MAP2K5: variants seen among roughly 807,000 people sequenced by gnomAD.
MAP2K5 encodes the protein dual specificity mitogen-activated protein kinase kinase 5.
In MAP2K5, 49 loss-of-function variants were observed where a neutral mutation model predicts 83.1. That is an observed-to-expected ratio of 0.59 (90% CI 0.47 to 0.75). MAP2K5 has a LOEUF of 0.75. Ranked by LOEUF, MAP2K5 falls within the 30% of genes least tolerant of loss-of-function variation. The pLI is 0.00. For missense variants in MAP2K5, 457 were observed against 557.5 expected, an observed-to-expected ratio of 0.82 and a Z score of 1.82; for synonymous variants, 202 against 191.8, an observed-to-expected ratio of 1.05 and a Z score of -0.44.
rs1027994747 is a variant in MAP2K5 at position 67,702,550 on chromosome 15, C to T, written c.973-787C>T. The stretch of plus-strand genomic sequence containing the variant: ...TTTGTTCACGTGTTCATTCCAAAGC[C>T]ATCTATGAAGTACTGTACTGAATGC... On this transcript the variant is annotated intron_variant, in intron 15 of 21. Transcript: ENST00000178640. The surrounding 1 kb of genome is among the most constrained non-coding windows in gnomAD (Gnocchi z 4.6). 1.3e-5 allele frequency among the ~76,000 whole-genome samples: 2 copies of T among 152,172 alleles called. No homozygotes were observed. Among genetic ancestry groups the T allele is most frequent in the African/African-American group, 4.8e-5 (2 of 41,436 alleles).
Position 67,703,357 on chromosome 15 carries a change from G to A in MAP2K5, c.993G>A (p.Glu331=), listed in dbSNP as rs771498091. The change falls in exon 16 of 22, where the codon GAG becomes GAA. Residue 331 remains glutamate (E), a synonymous_variant. Transcript: ENST00000178640. ...TGCAGCCTGAAAGGATTTCAGGGGA[G>A]CAGTATGGAATTCATTCTGATGTCT... is the stretch of plus-strand genomic sequence containing the variant. ...AYMAPERISG[E]QYGIHSDVWS... 210 of 1,613,524 alleles carry A rather than the reference G, an allele frequency of 1.3e-4. No homozygotes were observed. In the East Asian group the frequency reaches 4.6e-3, roughly 35 times the overall value.
At chr15:67,804,849 C>A (rs970839325) in intron 21 of MAP2K5, among the ~76,000 whole-genome samples, 2 of 152,210 alleles carry the variant, frequency 1.3e-5, no homozygotes, top group African/African-American at 4.8e-5. Flanking sequence ...TTTCCTCTGT[C>A]TAGGCAGCGA....
intron 13 of MAP2K5, among the ~76,000 whole-genome samples, chr15:67,682,191 AAAATC>A (rs1323591791): frequency 2.6e-5 from 4 of 152,106 alleles, no homozygotes; most frequent in Non-Finnish European, 4.4e-5. Flanking sequence ...ACAAGAAAAA[AAAATC>A]AAATCATTTC....
chr15:67,645,751 CT>C (rs1257781367), intron 9 of MAP2K5, among the ~76,000 whole-genome samples: 1 of 151,042 alleles, frequency 6.6e-6, no homozygotes, highest in Non-Finnish European at 1.5e-5. Flanking sequence ...TGGGTTCTCG[CT>C]ATGGTGCTTA....
chr15:67,606,364 A>G (rs909420499), intron 8 of MAP2K5, among the ~76,000 whole-genome samples: 15 of 152,178 alleles, frequency 9.9e-5, no homozygotes, highest in Non-Finnish European at 1.5e-4. Flanking sequence ...TTCCCACAGG[A>G]TAGAGTAAGA....
chr15:67,740,380 T>C (rs1037686211), intron 17 of MAP2K5, among the ~76,000 whole-genome samples: 3 of 152,158 alleles, frequency 2.0e-5, no homozygotes, highest in African/African-American at 7.2e-5. Flanking sequence ...CCATGTCCCA[T>C]CCTCCCACTC....
chr15:67,759,515 A>G (rs1374974761), intron 19 of MAP2K5, among the ~76,000 whole-genome samples: 3 of 151,402 alleles, frequency 2.0e-5, no homozygotes, highest in Non-Finnish European at 4.4e-5. Flanking sequence ...AGCCAAGATC[A>G]CGCTACTGCA....
Position 67,793,490 on chromosome 15 carries a change from C to T in MAP2K5, c.1243-13156C>T, listed in dbSNP as rs184593425. ...CTTGTTCCTCCCTTTAACACACCTT[C>T]GTCTTCTCCTTCTATTTGGCTGTTT... On this transcript the variant is annotated intron_variant, in intron 21 of 21. Coordinates refer to ENST00000178640, the MANE Select transcript of MAP2K5 (RefSeq NM_145160.3). The surrounding 1 kb of genome is among the most constrained non-coding windows in gnomAD (Gnocchi z 4.6). Among the ~76,000 whole-genome samples, 893 of 152,250 alleles carry T rather than the reference C, an allele frequency of 5.9e-3. 5 individuals carry two copies. The highest frequency in any genetic ancestry group is 0.013 in the Admixed American group (199 of 15,294).
chr15:67,689,308 T>G (rs961670976), intron 13 of MAP2K5, among the ~76,000 whole-genome samples: 11 of 152,186 alleles, frequency 7.2e-5, no homozygotes, highest in Non-Finnish European at 1.2e-4. Flanking sequence ...ATATGCTTTG[T>G]CCCAAACAAA....
At chr15:67,693,018 T>C (rs1180985007) in intron 14 of MAP2K5, among the ~76,000 whole-genome samples, 3 of 152,166 alleles carry the variant, frequency 2.0e-5, no homozygotes, top group Non-Finnish European at 4.4e-5. Flanking sequence ...GAGCATGCTG[T>C]GATGTTGATT....
intron 17 of MAP2K5, among the ~76,000 whole-genome samples, chr15:67,737,992 T>C (rs1019093389): frequency 7.3e-5 from 11 of 151,564 alleles, no homozygotes; most frequent in Admixed American, 1.3e-4. Flanking sequence ...GCTGGGATTA[T>C]AGGAGTGCAT....
chr15:67,640,597 G>A lies in MAP2K5; in HGVS notation c.586-5634G>A. The A allele has an allele frequency of 1.0e-6, 1 of 985,316 alleles. No individual in the cohort carries two copies. The highest frequency in any genetic ancestry group is 1.2e-6 in the Non-Finnish European group (1 of 829,882). The allele number at this position is 985,316 out of a possible 1,614,324, so 61.0% of individuals were successfully genotyped here. A position where few individuals can be genotyped will look rare whatever the true frequency, so the allele number is the denominator to read the frequency against. Reference sequence around the variant, plus strand: ...GTCTGACGCCTGCATGGAATGATGAGGGAAATTTAATTTTCCAAGCAAAGT... The same window carrying A: ...GTCTGACGCCTGCATGGAATGATGAAGGAAATTTAATTTTCCAAGCAAAGT... On this transcript the variant is annotated intron_variant, in intron 9 of 21. Transcript: ENST00000178640. The surrounding 1 kb of genome is among the most constrained non-coding windows in gnomAD (Gnocchi z 4.6).
intron 11 of MAP2K5, among the ~76,000 whole-genome samples, chr15:67,657,144 G>A (rs2087104124): frequency 6.6e-6 from 1 of 152,100 alleles, no homozygotes; most frequent in Admixed American, 6.5e-5. Flanking sequence ...TTCCTTTTTG[G>A]CTTCTTCTAC....
chr15:67,788,971 CA>C (rs58657384), intron 21 of MAP2K5, among the ~76,000 whole-genome samples: 45,477 of 129,318 alleles, frequency 0.35, 7,883 homozygotes, highest in African/African-American at 0.56. Context: ...GACCCTGTCT[CA>C]AAAAAAAAAA....
chr15:67,620,150 C>T (rs2141063962), intron 8 of MAP2K5, among the ~76,000 whole-genome samples: 1 of 152,288 alleles, frequency 6.6e-6, no homozygotes, highest in South Asian at 2.1e-4. Flanking sequence ...GCGGGTAGAT[C>T]ACCTGAGGTC....
Position 67,585,934 on chromosome 15 carries a change from C to T in MAP2K5, c.363+4C>T, listed in dbSNP as rs749737341. On this transcript the variant is annotated splice_donor_region_variant and intron_variant, in intron 5 of 21. Transcript: ENST00000178640. ...ACGGAACATACATGGCCTGAAGGTA[C>T]GAATTTCAATAATTGTTTCAGTAAA... is the stretch of plus-strand genomic sequence containing the variant. 5.6e-6 allele frequency: 9 copies of T among 1,612,292 alleles called. No individual in the cohort carries two copies. The highest frequency in any genetic ancestry group is 1.3e-5 in the African/African-American group (1 of 74,886).
intron 16 of MAP2K5, among the ~76,000 whole-genome samples, chr15:67,718,635 G>A (rs1243372949): frequency 2.0e-5 from 3 of 152,066 alleles, no homozygotes; most frequent in Non-Finnish European, 4.4e-5. Context: ...GTGGTGGTAT[G>A]CACCTGTAAT....
Position 67,692,555 on chromosome 15 carries a change from A to T in MAP2K5, c.921+3A>T. On this transcript the variant is annotated splice_donor_region_variant and intron_variant, in intron 14 of 21. Transcript: ENST00000178640. ...GTGATTTTGGAGTTAGCACTCAGGT[A>T]TGTCTCTTTTCCTCCCAGTGTACTG... The T allele has an allele frequency of 6.2e-7, 1 of 1,609,344 alleles. No homozygotes were observed. Among genetic ancestry groups the T allele is most frequent in the Non-Finnish European group, 8.5e-7 (1 of 1,175,876 alleles).
chr15:67,672,592 T>G (rs1259894584), intron 13 of MAP2K5, among the ~76,000 whole-genome samples: 11 of 150,924 alleles, frequency 7.3e-5, no homozygotes, highest in Admixed American at 7.3e-4. Context: ...TTGTGAAAAT[T>G]TTCTCACATT....
Sources: gnomAD v4.1 joint callset for allele counts (sites outside exome capture counted in the v4.1 genomes callset) on GRCh38, gnomAD v4.1.1 for gene constraint, Gnocchi (gnomAD v3.1) non-coding constraint, MANE v1.5 for transcripts, NCBI Gene and HGNC (gene_info 2026-07-23, HGNC 2026-07-21) for gene names.